QSOX1: variants seen among roughly 807,000 people sequenced by gnomAD.
QSOX1 encodes sulfhydryl oxidase 1.
QSOX1 carries 40 observed loss-of-function variants against 76.1 expected under a neutral mutation model. The observed-to-expected ratio is 0.53, with a 90% CI of 0.41 to 0.68. QSOX1 has a LOEUF of 0.68. Ranked by LOEUF, QSOX1 falls within the 30% of genes least tolerant of loss-of-function variation. The pLI, the probability that QSOX1 is intolerant of heterozygous loss-of-function variation, is 0.00. For missense variants in QSOX1, 931 were observed against 974.3 expected, an observed-to-expected ratio of 0.96 and a Z score of 0.59; for synonymous variants, 392 against 413.1, an observed-to-expected ratio of 0.95 and a Z score of 0.62.
At chr1:180,161,345 T>C (rs746914061) in intron 1 of QSOX1, among the ~76,000 whole-genome samples, 1 of 152,212 alleles carries the variant, frequency 6.6e-6, no homozygotes, top group Non-Finnish European at 1.5e-5. Flanking sequence ...ATTGGACTTT[T>C]AACAACTTCT....
At chr1:180,178,708 C>A in intron 4 of QSOX1, 86 bp from the exon 5 acceptor site, 1 of 1,229,718 alleles carries the variant, frequency 8.1e-7, no homozygotes, top group Non-Finnish European at 1.2e-6. Context: ...ACCTGCAGCA[C>A]TGCATCACCA....
rs761024065 is a variant in QSOX1, at chr1:180,189,615, C to G, written c.1081C>G (p.Gln361Glu). The G allele has an allele frequency of 4.3e-6, 7 of 1,613,386 alleles. No individual in the cohort carries two copies. Among genetic ancestry groups the G allele is most frequent in the Non-Finnish European group, 5.9e-6 (7 of 1,179,616 alleles). The change falls in exon 9 of 12, where the codon CAG becomes GAG. Residue 361 changes from glutamine (Q) to glutamate (E), a missense_variant. Coordinates refer to ENST00000367602, the MANE Select transcript of QSOX1 (RefSeq NM_002826.5). Reference sequence around the variant, plus strand: ...CTCCGTGAATGAATGGCTCAAGAGGCAGAAGAGAAATAAAATTCCCTACAG... The same window carrying G: ...CTCCGTGAATGAATGGCTCAAGAGGGAGAAGAGAAATAAAATTCCCTACAG... Reference protein sequence around the residue: ...LHSVNEWLKRQKRNKIPYSFF... With the variant: ...LHSVNEWLKREKRNKIPYSFF...
intron 1 of QSOX1, among the ~76,000 whole-genome samples, chr1:180,159,620 G>A (rs1038269686): frequency 2.0e-5 from 3 of 152,192 alleles, no homozygotes; most frequent in African/African-American, 7.2e-5. Context: ...AAATCTGATT[G>A]GTTATTTCGG....
At chr1:180,176,865 G>A (rs908736686) in intron 4 of QSOX1, among the ~76,000 whole-genome samples, 7 of 152,224 alleles carry the variant, frequency 4.6e-5, no homozygotes, top group African/African-American at 1.7e-4. Flanking sequence ...GGTGCGCAGA[G>A]GCTCTCTTAA....
chr1:180,191,768 G>A (rs1306556361), intron 10 of QSOX1, among the ~76,000 whole-genome samples: 1 of 152,228 alleles, frequency 6.6e-6, no homozygotes, highest in East Asian at 1.9e-4. Flanking sequence ...GGAGAAGGCA[G>A]TGTGGGACGT....
At chr1:180,177,309 A>G (rs1662923786) in intron 4 of QSOX1, among the ~76,000 whole-genome samples, 1 of 146,350 alleles carries the variant, frequency 6.8e-6, no homozygotes, top group Non-Finnish European at 1.5e-5. Flanking sequence ...CTGGGAGTGC[A>G]GCGGCACGAT....
At position 180,154,881 on chromosome 1, in the gene QSOX1, C is replaced by A; in HGVS notation, c.-27C>A. 8 of 1,378,834 alleles carry A rather than the reference C, an allele frequency of 5.8e-6. No individual in the cohort carries two copies. Among genetic ancestry groups the A allele is most frequent in the Non-Finnish European group, 7.5e-6 (8 of 1,072,968 alleles). 85.4% of individuals were successfully genotyped at this position (1,378,834 alleles called of 1,614,324 possible). ...CGGGACCCGACTCATCCGGTGCTTG[C>A]GTGTGGTGGTGAGCGCAGCGCCGAG... is the stretch of plus-strand genomic sequence containing the variant. On this transcript the variant is annotated 5_prime_UTR_variant, in exon 1 of 12. Transcript: ENST00000367602.
Position 180,189,630 on chromosome 1 carries a change from A to G in QSOX1, c.1096A>G (p.Ile366Val), listed in dbSNP as rs373282873. 5 of 1,613,346 alleles carry G rather than the reference A, an allele frequency of 3.1e-6. No individual in the cohort carries two copies. In the African/African-American group the frequency reaches 4.0e-5, roughly 13 times the overall value. ...GCTCAAGAGGCAGAAGAGAAATAAA[A>G]TTCCCTACAGTTTCTTTAAAACTGC... ...EWLKRQKRNK[I>V]PYSFFKTALD... The change falls in exon 9 of 12, where the codon ATT becomes GTT. Residue 366 changes from isoleucine to valine, a missense_variant. By Grantham distance (29) the Ile-to-Val change is conservative. Transcript: ENST00000367602.
chr1:180,199,027 A>T lies in QSOX1; in HGVS notation c.*1990A>T, dbSNP rs1463763963. The T allele has an allele frequency of 6.4e-6, 1 of 156,712 alleles. No individual in the cohort carries two copies. Among genetic ancestry groups the T allele is most frequent in the Non-Finnish European group, 1.4e-5 (1 of 70,722 alleles). 9.7% of individuals were successfully genotyped at this position (156,712 alleles called of 1,614,324 possible). A position where few individuals can be genotyped will look rare whatever the true frequency, so the allele number is the denominator to read the frequency against. ...CTAGAATTAGCGCCATGTTGGAAAC[A>T]CTGTCGCAGCAGCCCGGGCTGCACA... On this transcript the variant is annotated 3_prime_UTR_variant, in exon 12 of 12. Coordinates refer to ENST00000367602, the MANE Select transcript of QSOX1 (RefSeq NM_002826.5).
chr1:180,186,318 C>T (rs1329583587), intron 8 of QSOX1, 136 bp downstream of exon 8: 7 of 1,206,640 alleles, frequency 5.8e-6, no homozygotes, highest in Non-Finnish European at 8.0e-6. Flanking sequence ...CCACAGCTCT[C>T]CCTGTCCACC....
chr1:180,175,910 C>G (rs1308390514), intron 3 of QSOX1, 21 bp from the exon 4 acceptor site: 2 of 1,557,556 alleles, frequency 1.3e-6, no homozygotes, highest in African/African-American at 1.3e-5. Flanking sequence ...ACACTCCGCT[C>G]ACGCCTGTTT....
intron 1 of QSOX1, among the ~76,000 whole-genome samples, chr1:180,160,474 T>C (rs1334979810): frequency 6.6e-6 from 1 of 151,918 alleles, no homozygotes; most frequent in Non-Finnish European, 1.5e-5. Context: ...AACAGTTGTG[T>C]TAGGGATGTT....
chr1:180,159,991 A>G (rs1662458361), intron 1 of QSOX1, among the ~76,000 whole-genome samples: 1 of 152,174 alleles, frequency 6.6e-6, no homozygotes, highest in Non-Finnish European at 1.5e-5. Context: ...AGGTGTCCTC[A>G]TTATCATGCG....
rs546108922 is a variant in QSOX1, at chr1:180,167,153, C to T, written c.366+562C>T. Among the ~76,000 whole-genome samples, 10 of 152,348 alleles carry T rather than the reference C, an allele frequency of 6.6e-5. No individual in the cohort carries two copies. The South Asian group carries it at 8.3e-4, about 13-fold the overall frequency. On this transcript the variant is annotated intron_variant, in intron 2 of 11. Transcript: ENST00000367602. ...TGCAGGGCATCAACAGCTTAATTAA[C>T]GTCTGAACAGCTTCCAAGGCTCTCA...
rs144849210 is a variant in QSOX1, at chr1:180,191,786, G to T, written c.1288+1206G>T. Among the ~76,000 whole-genome samples the T allele has an allele frequency of 2.0e-5, 3 of 152,324 alleles. No homozygotes were observed. The East Asian group carries it at 5.8e-4, about 29-fold the overall frequency. On this transcript the variant is annotated intron_variant, in intron 10 of 11. Transcript: ENST00000367602. Reference sequence around the variant, plus strand: ...GAAGGCAGTGTGGGACGTCTGGGAAGAGAGTCTCCCAGGCTGTGTTGGTGT... The same window carrying T: ...GAAGGCAGTGTGGGACGTCTGGGAATAGAGTCTCCCAGGCTGTGTTGGTGT...
chr1:180,164,592 C>T (rs1251304727), intron 1 of QSOX1, among the ~76,000 whole-genome samples: 1 of 152,204 alleles, frequency 6.6e-6, no homozygotes, highest in Non-Finnish European at 1.5e-5. Context: ...TGCCTTCTTT[C>T]CAGGGATGCG....
intron 8 of QSOX1, among the ~76,000 whole-genome samples, chr1:180,187,420 C>T (rs2149240598): frequency 6.6e-6 from 1 of 152,318 alleles, no homozygotes; most frequent in East Asian, 1.9e-4. Context: ...GACCCACGTA[C>T]AGTCCCTCCT....
rs1414580293 is a variant in QSOX1 at position 180,186,126 on chromosome 1, G to A, written c.961G>A (p.Val321Ile). ...ILRIEVGRFP[V>I]LEGQRLVALK... ...GCGGATAGAAGTGGGCAGGTTCCCG[G>A]TCCTGGAAGGGCAGCGCCTGGTGGC... The change falls in exon 8 of 12, where the codon GTC becomes ATC. Residue 321 changes from valine (V) to isoleucine (I), a missense_variant. Transcript: ENST00000367602. 6.2e-7 allele frequency: 1 copy of A among 1,614,094 alleles called. No individual in the cohort carries two copies. The highest frequency in any genetic ancestry group is 2.2e-5 in the East Asian group (1 of 44,904).
intron 3 of QSOX1, 29 bp from the exon 4 acceptor site, chr1:180,175,902 A>G (rs770414823): frequency 1.6e-5 from 25 of 1,539,630 alleles, no homozygotes; most frequent in Non-Finnish European, 2.2e-5. Flanking sequence ...CTCTCCTGAC[A>G]CTCCGCTCAC....
Sources: allele counts gnomAD v4.1 joint callset (sites outside exome capture counted in the v4.1 genomes callset), GRCh38; gene constraint gnomAD v4.1.1; transcripts MANE v1.5; gene names NCBI Gene and HGNC (gene_info 2026-07-23, HGNC 2026-07-21).